The following MEIKIN variants were observed in gnomAD, a reference collection of about 807,000 sequenced individuals.
The protein encoded by MEIKIN is meiotic kinetochore factor.
At chr5:131,829,275 T>C (rs1749672347) in intron 11 of MEIKIN, among the ~76,000 whole-genome samples, 1 of 152,142 alleles carries the variant, frequency 6.6e-6, no homozygotes, top group Non-Finnish European at 1.5e-5. Flanking sequence ...AATAAAAACA[T>C]TTTCAGTCAT....
At chr5:131,940,820 G>C (rs1191202366) in intron 4 of MEIKIN, among the ~76,000 whole-genome samples, 1 of 152,106 alleles carries the variant, frequency 6.6e-6, no homozygotes, top group African/African-American at 2.4e-5. Context: ...GGTTCAGAGA[G>C]CCATACTAAC....
chr5:131,827,893 A>C (rs1438519588), intron 11 of MEIKIN, among the ~76,000 whole-genome samples: 1 of 152,114 alleles, frequency 6.6e-6, no homozygotes, highest in Non-Finnish European at 1.5e-5. Context: ...ATAAATTCCA[A>C]AATAATTTGC....
intron 2 of MEIKIN, 46 bp from the exon 3 acceptor site, chr5:131,944,798 T>A: frequency 2.5e-6 from 1 of 399,010 alleles, no homozygotes; most frequent in Non-Finnish European, 4.4e-6. Flanking sequence ...TGGATTTGGC[T>A]CTCCACGTCT....
intron 9 of MEIKIN, among the ~76,000 whole-genome samples, chr5:131,863,061 G>A (rs1425908824): frequency 6.6e-6 from 1 of 151,996 alleles, no homozygotes; most frequent in African/African-American, 2.4e-5. Flanking sequence ...TCATTCAGCG[G>A]CATCTTGCTA....
At chr5:131,875,360 A>G (rs1229337737) in intron 9 of MEIKIN, among the ~76,000 whole-genome samples, 7 of 152,216 alleles carry the variant, frequency 4.6e-5, no homozygotes, top group African/African-American at 1.4e-4. Context: ...ACAGAGAAAC[A>G]GAGAGCCAAA....
intron 11 of MEIKIN, among the ~76,000 whole-genome samples, chr5:131,840,884 T>G (rs973878397): frequency 6.6e-6 from 1 of 152,234 alleles, no homozygotes; most frequent in African/African-American, 2.4e-5. Flanking sequence ...GAATGCTTTG[T>G]GGAGAGGTAG....
intron 8 of MEIKIN, among the ~76,000 whole-genome samples, chr5:131,890,067 T>G (rs1168496856): frequency 2.0e-5 from 3 of 152,198 alleles, no homozygotes; most frequent in African/African-American, 7.2e-5. Flanking sequence ...GAAGCCCACT[T>G]GATCATGGTG....
chr5:131,919,564 T>A (rs1751471582), intron 6 of MEIKIN, among the ~76,000 whole-genome samples: 1 of 152,124 alleles, frequency 6.6e-6, no homozygotes, highest in African/African-American at 2.4e-5. Flanking sequence ...AAAAGGAAGA[T>A]CTCTATGTAA....
At chr5:131,883,498 AAAAC>A (rs1750730467) in intron 8 of MEIKIN, among the ~76,000 whole-genome samples, 1 of 152,230 alleles carries the variant, frequency 6.6e-6, no homozygotes, top group Non-Finnish European at 1.5e-5. Context: ...GACAGCAAGA[AAAAC>A]AACCATTTCT....
intron 8 of MEIKIN, among the ~76,000 whole-genome samples, chr5:131,899,519 GAC>G (rs1751117966): frequency 7.4e-6 from 1 of 135,640 alleles, no homozygotes; most frequent in African/African-American, 2.8e-5. Context: ...CCAATCAAAA[GAC>G]ACAGAGTGGT....
At chr5:131,912,352 G>A (rs1751346023) in intron 7 of MEIKIN, among the ~76,000 whole-genome samples, 1 of 151,558 alleles carries the variant, frequency 6.6e-6, no homozygotes, top group Admixed American at 6.6e-5. Flanking sequence ...CTGTTACCCA[G>A]GCTAGACTGC....
chr5:131,820,500 T>C (rs556261593), intron 11 of MEIKIN, among the ~76,000 whole-genome samples: 1 of 152,348 alleles, frequency 6.6e-6, no homozygotes, highest in Admixed American at 6.5e-5. Flanking sequence ...TTTTGATGTG[T>C]CTTTCTCTGG....
chr5:131,880,974 T>C (rs1214081539), intron 8 of MEIKIN, among the ~76,000 whole-genome samples: 1 of 152,246 alleles, frequency 6.6e-6, no homozygotes, highest in Non-Finnish European at 1.5e-5. Context: ...TTTAACTGGG[T>C]ATTCTGTAAC....
chr5:131,886,881 C>T (rs1257982460), intron 8 of MEIKIN, among the ~76,000 whole-genome samples: 1 of 151,610 alleles, frequency 6.6e-6, no homozygotes, highest in Admixed American at 6.6e-5. Context: ...CAGGTATGTG[C>T]CATGTTGGTT....
At chr5:131,869,617 T>C (rs539647148) in intron 9 of MEIKIN, among the ~76,000 whole-genome samples, 8 of 152,322 alleles carry the variant, frequency 5.3e-5, no homozygotes, top group African/African-American at 1.9e-4. Context: ...CGCATTCTGT[T>C]TCACATAGTT....
chr5:131,865,488 G>A (rs1236424673), intron 9 of MEIKIN, among the ~76,000 whole-genome samples: 3 of 152,154 alleles, frequency 2.0e-5, no homozygotes, highest in African/African-American at 7.2e-5. Flanking sequence ...CAAAGTGCCG[G>A]GATTACAGGC....
chr5:131,841,112 C>T (rs1435614216), intron 11 of MEIKIN, among the ~76,000 whole-genome samples: 4 of 151,964 alleles, frequency 2.6e-5, no homozygotes, highest in Non-Finnish European at 5.9e-5. Flanking sequence ...TTTTAGGGGG[C>T]CAAGTCTCAG....
rs1751510763 is a variant in MEIKIN, at chr5:131,921,871, T to G, written c.549A>C (p.Ala183=). Residue 183 remains alanine, a synonymous_variant, in exon 6 of 13, where the codon GCA becomes GCC. Coordinates refer to ENST00000442687, the MANE Select transcript of MEIKIN (RefSeq NM_001303622.2). The stretch of plus-strand genomic sequence containing the variant: ...ACTGTGGTGCCTTCTCTATCGCTAC[T>G]GCTTTACTGGTATCCAGAAGAGTAG... The part of the protein sequence containing the change: ...KNSTLLDTSK[A]VAIEKAPQFS... 3 of 398,924 alleles carry G rather than the reference T, an allele frequency of 7.5e-6. No homozygotes were observed. 24.7% of individuals were successfully genotyped at this position (398,924 alleles called of 1,614,324 possible).
At chr5:131,837,611 T>G (rs1183777833) in intron 11 of MEIKIN, among the ~76,000 whole-genome samples, 9 of 152,140 alleles carry the variant, frequency 5.9e-5, no homozygotes, top group Admixed American at 1.3e-4. Context: ...TTTATTCTTT[T>G]TCTGGCAATT....
Sources: allele counts gnomAD v4.1 joint callset (sites outside exome capture counted in the v4.1 genomes callset), GRCh38; gene constraint gnomAD v4.1.1; transcripts MANE v1.5; gene names NCBI Gene and HGNC (gene_info 2026-07-23, HGNC 2026-07-21).